Variants in IGDCC3 observed in about 807,000 individuals in gnomAD.
IGDCC3 encodes immunoglobulin superfamily DCC subclass member 3, also known as putative neuronal cell adhesion molecule.
In IGDCC3, 47 loss-of-function variants were observed where a neutral mutation model predicts 72.0. The observed-to-expected ratio is 0.65, with a 90% CI of 0.52 to 0.83. The LOEUF (loss-of-function observed/expected upper bound fraction) is 0.83, where lower values mean the gene tolerates loss of function less well. Among genes scored for constraint, IGDCC3 ranks in the 40% least tolerant of loss-of-function variants. IGDCC3 has a pLI of 0.00. For synonymous variants in IGDCC3, 477 were observed against 472.8 expected (o/e 1.01, Z -0.11); for missense variants, 1,038 against 1,091.3 (o/e 0.95, Z 0.69).
intron 2 of IGDCC3, among the ~76,000 whole-genome samples, chr15:65,370,050 G>A (rs1595765992): frequency 6.6e-6 from 1 of 152,268 alleles, no homozygotes; most frequent in South Asian, 2.1e-4. Flanking sequence ...TATTGAGGCG[G>A]AGAGAGCAGG....
intron 2 of IGDCC3, among the ~76,000 whole-genome samples, chr15:65,353,657 C>G (rs1258799549): frequency 1.3e-5 from 2 of 152,146 alleles, no homozygotes; most frequent in Non-Finnish European, 2.9e-5. Flanking sequence ...AGTAAAGGAG[C>G]CAGCCCAAAC....
intron 2 of IGDCC3, among the ~76,000 whole-genome samples, chr15:65,342,301 G>A (rs917888521): frequency 2.6e-5 from 4 of 151,742 alleles, no homozygotes; most frequent in Non-Finnish European, 5.9e-5. Flanking sequence ...CAGGAGAATC[G>A]CTTGAACCCG....
intron 2 of IGDCC3, among the ~76,000 whole-genome samples, chr15:65,358,452 G>C (rs959588477): frequency 6.6e-6 from 1 of 152,164 alleles, no homozygotes; most frequent in Non-Finnish European, 1.5e-5. Flanking sequence ...CATTTTGCAA[G>C]ACTAAAATGG....
At chr15:65,337,285 C>T (rs559963175) in intron 2 of IGDCC3, among the ~76,000 whole-genome samples, 1 of 152,210 alleles carries the variant, frequency 6.6e-6, no homozygotes, top group South Asian at 2.1e-4. Flanking sequence ...CGCCCTGCCT[C>T]CTCGTCTTTG....
intron 2 of IGDCC3, among the ~76,000 whole-genome samples, chr15:65,336,690 G>A (rs1206623414): frequency 6.6e-6 from 1 of 151,942 alleles, no homozygotes; most frequent in East Asian, 1.9e-4. Context: ...CCACCTTTTG[G>A]GGATCTGAAC....
Position 65,342,176 on chromosome 15 carries a change from C to T in IGDCC3, c.410-6220G>A, listed in dbSNP as rs563812719. On this transcript the variant is annotated intron_variant, in intron 2 of 13. Transcript: ENST00000327987. ...CCGAGGCGGGTGGATCACATGAGGT[C>T]GGGAGTTCAAGACCAGCCTGACCAA... Among the ~76,000 whole-genome samples, 509 of 150,284 alleles carry T rather than the reference C, an allele frequency of 3.4e-3. 1 individual carries two copies. Among genetic ancestry groups the T allele is most frequent in the African/African-American group, 0.012 (487 of 41,092 alleles).
chr15:65,375,708 T>A (rs1055667569), intron 1 of IGDCC3, among the ~76,000 whole-genome samples: 9 of 152,156 alleles, frequency 5.9e-5, no homozygotes, highest in Non-Finnish European at 1.3e-4. Context: ...GGTCTCACAG[T>A]CAGTAGTTGC....
chr15:65,332,918 T>C (rs1276854670), intron 6 of IGDCC3, among the ~76,000 whole-genome samples: 1 of 152,036 alleles, frequency 6.6e-6, no homozygotes, highest in East Asian at 1.9e-4. Context: ...CACGTGTGAA[T>C]GAAAACAGCA....
chr15:65,364,840 C>A (rs2091280862), intron 2 of IGDCC3, among the ~76,000 whole-genome samples: 1 of 152,120 alleles, frequency 6.6e-6, no homozygotes, highest in Non-Finnish European at 1.5e-5. Context: ...AAGATCGCAC[C>A]ACTGAACTCC....
intron 5 of IGDCC3, 135 bp from the exon 6 acceptor site, chr15:65,333,550 C>G: frequency 1.3e-6 from 1 of 767,370 alleles, no homozygotes; most frequent in South Asian, 2.0e-5. Context: ...TGCCCCTTCC[C>G]TCCTAGGCAC....
At chr15:65,335,452 A>C in intron 3 of IGDCC3, 31 bp from the exon 4 acceptor site, 1 of 1,589,696 alleles carries the variant, frequency 6.3e-7, no homozygotes, top group Non-Finnish European at 8.6e-7. Flanking sequence ...GTTGGCCACC[A>C]GCACAGCCAT....
intron 2 of IGDCC3, among the ~76,000 whole-genome samples, chr15:65,371,942 A>C (rs2091328010): frequency 6.6e-6 from 1 of 152,226 alleles, no homozygotes; most frequent in Non-Finnish European, 1.5e-5. Context: ...GAAGGGGTTA[A>C]AACAAAACAA....
At position 65,329,535 on chromosome 15, in the gene IGDCC3, C is replaced by T; in HGVS notation, c.2060G>A (p.Arg687Lys). 1 of 1,608,160 alleles carries T rather than the reference C, an allele frequency of 6.2e-7. No individual in the cohort carries two copies. The highest frequency in any genetic ancestry group is 8.5e-7 in the Non-Finnish European group (1 of 1,178,480). The change falls in exon 13 of 14, where the codon AGG becomes AAG. Residue 687 changes from arginine to lysine, a missense_variant. Transcript: ENST00000327987. The surrounding 1 kb of genome is among the most constrained non-coding windows in gnomAD (Gnocchi z 4.1). ...ATTTAGGGCTAGAATGCCAGGGTCC[C>T]TCTGGCTCCGGGGACCCTGTGGAGG... The part of the protein sequence containing the change: ...LSPPQGPRSQ[R>K]DPGILALNGA...
intron 2 of IGDCC3, among the ~76,000 whole-genome samples, chr15:65,366,707 A>G (rs537551785): frequency 6.6e-6 from 1 of 152,260 alleles, no homozygotes; most frequent in East Asian, 1.9e-4. Context: ...GCCTGCATTA[A>G]GCCCACCCCG....
chr15:65,365,609 C>CT (rs1483311848), intron 2 of IGDCC3, among the ~76,000 whole-genome samples: 3 of 152,168 alleles, frequency 2.0e-5, no homozygotes, highest in Non-Finnish European at 4.4e-5. Context: ...CCCTGACTTG[C>CT]TGGGGGGCTA....
intron 2 of IGDCC3, among the ~76,000 whole-genome samples, chr15:65,355,445 G>A (rs1040453628): frequency 1.3e-5 from 2 of 151,760 alleles, no homozygotes; most frequent in East Asian, 3.9e-4. Context: ...AACAGCCACC[G>A]GAGCCCCGGT....
At position 65,331,312 on chromosome 15, in the gene IGDCC3, G is replaced by A. The variant is rs544681449; in HGVS notation, c.1397-98C>T. On this transcript the variant is annotated intron_variant, in intron 8 of 13. Transcript: ENST00000327987. ...CAGCCAGGGTGCCCGGGGGGACAGCGGGGAGAAGGAAAGGGAGGCATCGGG... is the reference window on the plus strand; with the variant it reads ...CAGCCAGGGTGCCCGGGGGGACAGCAGGGAGAAGGAAAGGGAGGCATCGGG... 57 of 1,565,444 alleles carry A rather than the reference G, an allele frequency of 3.6e-5. No individual in the cohort carries two copies. In the East Asian group the frequency reaches 7.9e-4, roughly 22 times the overall value.
At position 65,377,798 on chromosome 15, in the gene IGDCC3, G is replaced by T. The variant is rs1329221410; in HGVS notation, c.-10C>A. 3 of 1,210,740 alleles carry T rather than the reference G, an allele frequency of 2.5e-6. No homozygotes were observed. The highest frequency in any genetic ancestry group is 4.4e-5 in the Admixed American group (1 of 22,526). 75.0% of individuals were successfully genotyped at this position (1,210,740 alleles called of 1,614,324 possible). Reference sequence around the variant, plus strand: ...CGCGCTGCACAGCCATGGGGCTCTCGGTCAGCTCGGCTCGGCGACGCGCGG... The same window carrying T: ...CGCGCTGCACAGCCATGGGGCTCTCTGTCAGCTCGGCTCGGCGACGCGCGG... On this transcript the variant is annotated 5_prime_UTR_variant, in exon 1 of 14. Transcript: ENST00000327987. The surrounding 1 kb of genome is among the most constrained non-coding windows in gnomAD (Gnocchi z 4.9).
rs1398606168 is a variant in IGDCC3, at chr15:65,377,532, CT to C, written c.103+153del. ...CCCAGCAGTCCGGCCTTGGTACCCT[CT>C]CCCCGTCCGGATCCGCAGGGTCCCC... On this transcript the variant is annotated intron_variant, in intron 1 of 13. Transcript: ENST00000327987. The surrounding 1 kb of genome is among the most constrained non-coding windows in gnomAD (Gnocchi z 4.9). Among the ~76,000 whole-genome samples, 3 of 152,190 alleles carry C rather than the reference CT, an allele frequency of 2.0e-5. No homozygotes were observed. Among genetic ancestry groups the C allele is most frequent in the Admixed American group, 1.3e-4 (2 of 15,286 alleles).
Sources: gnomAD v4.1 joint callset for allele counts (sites outside exome capture counted in the v4.1 genomes callset) on GRCh38, gnomAD v4.1.1 for gene constraint, Gnocchi (gnomAD v3.1) non-coding constraint, MANE v1.5 for transcripts, NCBI Gene and HGNC (gene_info 2026-07-23, HGNC 2026-07-21) for gene names.